The following CHRM3 variants were observed in gnomAD, a reference collection of about 807,000 sequenced individuals.
The protein encoded by CHRM3 is muscarinic acetylcholine receptor M3.
CHRM3 carries 11 observed loss-of-function variants against 41.8 expected under a neutral mutation model. The ratio of observed to expected loss-of-function variants is 0.26; its 90% CI spans 0.17 to 0.44. The LOEUF (loss-of-function observed/expected upper bound fraction) is 0.44, where lower values mean the gene tolerates loss of function less well. Among genes scored for constraint, CHRM3 ranks in the 20% least tolerant of loss-of-function variants. The pLI is 1.00. For synonymous variants in CHRM3, 297 were observed against 301.4 expected, an observed-to-expected ratio of 0.99 and a Z score of 0.15; for missense variants, 571 against 745.4, an observed-to-expected ratio of 0.77 and a Z score of 2.72.
At chr1:239,422,493 T>G (rs1354816580) in intron 1 of CHRM3, among the ~76,000 whole-genome samples, 2 of 152,202 alleles carry the variant, frequency 1.3e-5, no homozygotes, top group Non-Finnish European at 2.9e-5. Context: ...GACAATCTTA[T>G]GCAATTAAGA....
At chr1:239,877,599 T>C (rs1677213088) in intron 6 of CHRM3, among the ~76,000 whole-genome samples, 1 of 152,166 alleles carries the variant, frequency 6.6e-6, no homozygotes, top group Non-Finnish European at 1.5e-5. Context: ...TATCTCCATT[T>C]TATAGATGCA....
chr1:239,818,380 C>T (rs2149029447), intron 5 of CHRM3, among the ~76,000 whole-genome samples: 1 of 152,300 alleles, frequency 6.6e-6, no homozygotes, highest in African/African-American at 2.4e-5. Context: ...TTAAAAAACA[C>T]AATTCAGTCC....
chr1:239,816,849 G>A (rs1195530393), intron 5 of CHRM3, among the ~76,000 whole-genome samples: 2 of 151,110 alleles, frequency 1.3e-5, no homozygotes, highest in Non-Finnish European at 2.9e-5. Context: ...TCCTGCCTCA[G>A]CCTCCTGAGT....
chr1:239,473,336 A>G (rs1389604398), intron 1 of CHRM3, among the ~76,000 whole-genome samples: 1 of 152,002 alleles, frequency 6.6e-6, no homozygotes, highest in Non-Finnish European at 1.5e-5. Flanking sequence ...TCTGTAACAC[A>G]TATAACCAAA....
At chr1:239,610,838 G>A (rs1666934863) in intron 3 of CHRM3, among the ~76,000 whole-genome samples, 1 of 152,150 alleles carries the variant, frequency 6.6e-6, no homozygotes, top group Non-Finnish European at 1.5e-5. Context: ...CGGATCATGA[G>A]GTCAAGAGAT....
At chr1:239,804,310 A>C (rs1159679577) in intron 5 of CHRM3, among the ~76,000 whole-genome samples, 1 of 150,550 alleles carries the variant, frequency 6.6e-6, no homozygotes, top group Non-Finnish European at 1.5e-5. Context: ...CCTTCAGTTC[A>C]TCCCATTGTA....
At chr1:239,801,951 G>A (rs1480023844) in intron 5 of CHRM3, among the ~76,000 whole-genome samples, 4 of 152,078 alleles carry the variant, frequency 2.6e-5, no homozygotes, top group East Asian at 3.9e-4. Context: ...TACTGCCTAC[G>A]GACATACCCA....
rs528514156 is a variant in CHRM3 at position 239,457,412 on chromosome 1, T to G, written c.-520-35297T>G. On this transcript the variant is annotated intron_variant, in intron 1 of 6. Transcript: ENST00000676153. Reference sequence around the variant, plus strand: ...TTTACACTCCAGAAAAAAAACAGATTGTTATATACGTGTCTTCTATTTGTG... The same window carrying G: ...TTTACACTCCAGAAAAAAAACAGATGGTTATATACGTGTCTTCTATTTGTG... Among the ~76,000 whole-genome samples, 80 of 152,292 alleles carry G rather than the reference T, an allele frequency of 5.3e-4. No homozygotes were observed. In the South Asian group the frequency reaches 0.016, roughly 30 times the overall value.
At chr1:239,551,485 A>C (rs1294115927) in intron 3 of CHRM3, among the ~76,000 whole-genome samples, 1 of 150,650 alleles carries the variant, frequency 6.6e-6, no homozygotes, top group Non-Finnish European at 1.5e-5. Flanking sequence ...TTGTAGATTT[A>C]AGCTATTTGT....
chr1:239,856,273 T>A (rs1191893897), intron 6 of CHRM3, among the ~76,000 whole-genome samples: 2 of 152,144 alleles, frequency 1.3e-5, no homozygotes, highest in Non-Finnish European at 2.9e-5. Flanking sequence ...AAATCTCATG[T>A]TGAATTGTGA....
At chr1:239,531,979 G>A (rs1456052599) in intron 2 of CHRM3, among the ~76,000 whole-genome samples, 1 of 144,446 alleles carries the variant, frequency 6.9e-6, no homozygotes, top group Non-Finnish European at 1.5e-5. Context: ...ATTTAAGGTG[G>A]AGTATATTTC....
chr1:239,424,114 T>C (rs1435255067), intron 1 of CHRM3, among the ~76,000 whole-genome samples: 1 of 151,288 alleles, frequency 6.6e-6, no homozygotes, highest in African/African-American at 2.4e-5. Flanking sequence ...TTTGTGGAGC[T>C]TTATTGAATA....
Position 239,911,526 on chromosome 1 carries a change from C to T in CHRM3, c.*2302C>T, listed in dbSNP as rs999212378. 2.4e-5 allele frequency: 4 copies of T among 164,664 alleles called. No individual in the cohort carries two copies. The highest frequency in any genetic ancestry group is 1.0e-4 in the African/African-American group (4 of 40,024). The allele number at this position is 164,664 out of a possible 1,614,324, so 10.2% of individuals were successfully genotyped here. A position where few individuals can be genotyped will look rare whatever the true frequency, so the allele number is the denominator to read the frequency against. ...GGAAACTCCTATCTTGCCTCCCTCC[C>T]AAAAGGGCTGTTTCTTTTATTAAAA... On this transcript the variant is annotated 3_prime_UTR_variant, in exon 7 of 7. Coordinates refer to ENST00000676153, the MANE Select transcript of CHRM3 (RefSeq NM_001375978.1).
chr1:239,821,234 C>T (rs968780560), intron 5 of CHRM3, among the ~76,000 whole-genome samples: 3 of 152,180 alleles, frequency 2.0e-5, no homozygotes, highest in South Asian at 2.1e-4. Flanking sequence ...CCAACACTTT[C>T]GATGAAGCTA....
intron 1 of CHRM3, among the ~76,000 whole-genome samples, chr1:239,456,928 C>G (rs1664986524): frequency 6.6e-6 from 1 of 152,204 alleles, no homozygotes; most frequent in Admixed American, 6.5e-5. Flanking sequence ...CTGCACTTGA[C>G]AGCTTATCTA....
At chr1:239,642,498 C>T (rs1056059814) in intron 4 of CHRM3, among the ~76,000 whole-genome samples, 8 of 152,112 alleles carry the variant, frequency 5.3e-5, no homozygotes, top group Non-Finnish European at 8.8e-5. Flanking sequence ...CTTCCCTTCT[C>T]GCTTCATTTC....
chr1:239,684,645 C>T (rs779609393), intron 5 of CHRM3, among the ~76,000 whole-genome samples: 5 of 137,762 alleles, frequency 3.6e-5, no homozygotes, highest in South Asian at 4.9e-4. Flanking sequence ...AGCGAGATTC[C>T]GTCTCAAAAA....
chr1:239,435,456 TTA>T (rs1558222043), intron 1 of CHRM3, among the ~76,000 whole-genome samples: 1 of 137,518 alleles, frequency 7.3e-6, no homozygotes, highest in African/African-American at 2.7e-5. Flanking sequence ...CTCATAAAAT[TTA>T]AAAAAAAAAA....
At chr1:239,906,592 C>T (rs1679982271) in intron 6 of CHRM3, among the ~76,000 whole-genome samples, 2 of 152,160 alleles carry the variant, frequency 1.3e-5, no homozygotes, top group Admixed American at 6.5e-5. Context: ...TGTTCATATA[C>T]TCTGGCAACA....
Sources: gnomAD v4.1 joint callset for allele counts (sites outside exome capture counted in the v4.1 genomes callset) on GRCh38, gnomAD v4.1.1 for gene constraint, MANE v1.5 for transcripts, NCBI Gene and HGNC (gene_info 2026-07-23, HGNC 2026-07-21) for gene names.